SRRM3: variants seen among roughly 807,000 people sequenced by gnomAD.
SRRM3 encodes serine/arginine repetitive matrix protein 3.
Under a neutral mutation model 66.2 loss-of-function variants are expected in SRRM3, and 27 were observed. The ratio of observed to expected loss-of-function variants is 0.41; its 90% CI spans 0.30 to 0.56. The LOEUF is 0.56. SRRM3 is among the 20% of genes least tolerant of loss of function. The pLI, the probability that SRRM3 is intolerant of heterozygous loss-of-function variation, is 0.32. For synonymous variants in SRRM3, 391 were observed against 414.9 expected (o/e 0.94, Z 0.70); for missense variants, 918 against 991.9 (o/e 0.93, Z 1.00).
At chr7:76,242,834 G>A (rs1333342657) in intron 2 of SRRM3, among the ~76,000 whole-genome samples, 1 of 152,168 alleles carries the variant, frequency 6.6e-6, no homozygotes, top group East Asian at 1.9e-4. Flanking sequence ...ATAGGAGGTG[G>A]AGCTCAGGTG....
intron 2 of SRRM3, among the ~76,000 whole-genome samples, chr7:76,238,941 C>T (rs1801214800): frequency 6.6e-6 from 1 of 151,590 alleles, no homozygotes; most frequent in African/African-American, 2.4e-5. Context: ...GGATTACAGG[C>T]ATGAGCCACC....
At chr7:76,203,227 G>T (rs1342338325) in intron 1 of SRRM3, among the ~76,000 whole-genome samples, 1 of 152,192 alleles carries the variant, frequency 6.6e-6, no homozygotes, top group African/African-American at 2.4e-5. Context: ...CCACTCTCCT[G>T]TGGGGTGGAG....
chr7:76,247,930 G>A (rs889551041), intron 2 of SRRM3, among the ~76,000 whole-genome samples: 9 of 152,148 alleles, frequency 5.9e-5, no homozygotes, highest in African/African-American at 1.7e-4. Context: ...CCTGAGCTCA[G>A]GTGATCTGCC....
chr7:76,228,343 C>A (rs1295456350), intron 1 of SRRM3, among the ~76,000 whole-genome samples: 1 of 151,958 alleles, frequency 6.6e-6, no homozygotes, highest in Non-Finnish European at 1.5e-5. Context: ...TTCTAAGGAC[C>A]AGTAGTATTG....
intron 14 of SRRM3, among the ~76,000 whole-genome samples, chr7:76,284,172 CTT>C (rs61170781): frequency 5.9e-4 from 79 of 134,538 alleles, no homozygotes; most frequent in African/African-American, 1.2e-3. Context: ...GCTACTGCTT[CTT>C]TTTTTTTTTT....
intron 3 of SRRM3, 46 bp downstream of exon 3, chr7:76,248,335 C>T: frequency 6.8e-7 from 1 of 1,478,762 alleles, no homozygotes; most frequent in Non-Finnish European, 9.4e-7. Flanking sequence ...GGTGCAGGCT[C>T]AGGCAGCAGC....
At chr7:76,240,466 A>G (rs1156761274) in intron 2 of SRRM3, among the ~76,000 whole-genome samples, 1 of 151,518 alleles carries the variant, frequency 6.6e-6, no homozygotes, top group Non-Finnish European at 1.5e-5. Flanking sequence ...TAATAATACA[A>G]AAAATTAGCC....
At chr7:76,266,368 A>G (rs1178503078) in intron 10 of SRRM3, among the ~76,000 whole-genome samples, 7 of 114,728 alleles carry the variant, frequency 6.1e-5, no homozygotes, top group African/African-American at 2.6e-4. Flanking sequence ...GTATATTTTC[A>G]TATAAATAAT....
chr7:76,231,835 G>T (rs1294325972), intron 1 of SRRM3, among the ~76,000 whole-genome samples: 5 of 152,126 alleles, frequency 3.3e-5, no homozygotes, highest in African/African-American at 1.2e-4. Flanking sequence ...TTTGGGCTGG[G>T]CCCTGAGGGA....
intron 11 of SRRM3, among the ~76,000 whole-genome samples, chr7:76,270,355 T>C (rs1802179063): frequency 6.6e-6 from 1 of 152,060 alleles, no homozygotes; most frequent in Non-Finnish European, 1.5e-5. Context: ...TGGCAGAGTT[T>C]AGCTGAGACA....
intron 1 of SRRM3, among the ~76,000 whole-genome samples, chr7:76,208,847 GAAAGAAA>G (rs1211608931): frequency 4.2e-5 from 4 of 96,134 alleles, no homozygotes; most frequent in Non-Finnish European, 8.4e-5. Context: ...AAAAAAAAAA[GAAAGAAA>G]AAAGAAAGAA....
chr7:76,268,746 G>A (rs1044241100), intron 11 of SRRM3: 10 of 152,426 alleles, frequency 6.6e-5, no homozygotes, highest in African/African-American at 2.4e-4. Flanking sequence ...TGGGGGTTTT[G>A]GTTGGGCCGC....
At chr7:76,216,520 G>C (rs1001558638) in intron 1 of SRRM3, among the ~76,000 whole-genome samples, 3 of 152,200 alleles carry the variant, frequency 2.0e-5, no homozygotes, top group Non-Finnish European at 4.4e-5. Context: ...CTTCAATGGC[G>C]AGTCCCTGGC....
At chr7:76,204,459 T>C (rs1380299216) in intron 1 of SRRM3, among the ~76,000 whole-genome samples, 1 of 152,178 alleles carries the variant, frequency 6.6e-6, no homozygotes, top group Non-Finnish European at 1.5e-5. Flanking sequence ...AAACAAGGCC[T>C]GAAGGTGTGA....
At chr7:76,258,975 C>T (rs576443078) in intron 3 of SRRM3, among the ~76,000 whole-genome samples, 53 of 151,282 alleles carry the variant, frequency 3.5e-4, no homozygotes, top group African/African-American at 1.2e-3. Context: ...ACCCAGGAAG[C>T]GGAGGTTGCA....
chr7:76,236,318 A>T (rs1554604913), intron 2 of SRRM3, among the ~76,000 whole-genome samples: 1 of 151,456 alleles, frequency 6.6e-6, no homozygotes, highest in Non-Finnish European at 1.5e-5. Flanking sequence ...TCAAAAAAAA[A>T]AAAAAAGAAA....
At chr7:76,238,112 G>T (rs1801193197) in intron 2 of SRRM3, among the ~76,000 whole-genome samples, 1 of 152,170 alleles carries the variant, frequency 6.6e-6, no homozygotes, top group African/African-American at 2.4e-5. Flanking sequence ...TTTGATCATG[G>T]CAGGGACAGG....
intron 1 of SRRM3, among the ~76,000 whole-genome samples, chr7:76,205,944 G>A (rs1800290913): frequency 6.6e-6 from 1 of 152,224 alleles, no homozygotes; most frequent in African/African-American, 2.4e-5. Context: ...TTATAGGACA[G>A]AGATATGTTT....
In SRRM3 at chr7:76,261,474, G is replaced by T; in HGVS notation, c.638+60G>T. 2.5e-6 allele frequency: 4 copies of T among 1,599,606 alleles called. No homozygotes were observed. In the South Asian group the frequency reaches 4.5e-5, roughly 18 times the overall value. ...TCCTCCCGTGGGGCCCAGGGCCAGG[G>T]CTGTGGCCCTCCATAGGTCTCCCCT... On this transcript the variant is annotated intron_variant, in intron 7 of 14. Transcript: ENST00000611745.
Sources: allele counts gnomAD v4.1 joint callset (sites outside exome capture counted in the v4.1 genomes callset), GRCh38; gene constraint gnomAD v4.1.1; transcripts MANE v1.5; gene names NCBI Gene and HGNC (gene_info 2026-07-23, HGNC 2026-07-21).